Variants in AGMO observed in about 807,000 individuals in gnomAD.
The protein encoded by AGMO is glyceryl-ether monooxygenase.
A neutral mutation model predicts 60.2 loss-of-function variants in AGMO; 75 were observed. The observed-to-expected ratio is 1.25, with a 90% confidence interval of 1.03 to 1.51. The LOEUF (loss-of-function observed/expected upper bound fraction) is 1.51, where lower values mean the gene tolerates loss of function less well. Among genes scored for constraint, AGMO ranks in the 40% most tolerant of loss-of-function variants. AGMO has a pLI of 0.00. For missense variants in AGMO, 763 were observed against 525.5 expected (o/e 1.45, Z -4.42); for synonymous variants, 261 against 177.1 (o/e 1.47, Z -3.76).
chr7:15,503,858 G>A (rs945785459), intron 3 of AGMO, among the ~76,000 whole-genome samples: 32 of 152,092 alleles, frequency 2.1e-4, no homozygotes, highest in South Asian at 1.9e-3. Context: ...GAGAAAAAGT[G>A]AATCCCATTT....
At chr7:15,266,558 G>A (rs1783438125) in intron 12 of AGMO, among the ~76,000 whole-genome samples, 1 of 151,332 alleles carries the variant, frequency 6.6e-6, no homozygotes. Flanking sequence ...ATTTCCATTT[G>A]TCTTCTGCTC....
intron 3 of AGMO, among the ~76,000 whole-genome samples, chr7:15,483,306 C>A (rs1393230421): frequency 6.6e-6 from 1 of 152,060 alleles, no homozygotes; most frequent in African/African-American, 2.4e-5. Context: ...CATTAAATTG[C>A]CTGTAATCCC....
At chr7:15,304,842 CATT>C (rs1780563652) in intron 12 of AGMO, among the ~76,000 whole-genome samples, 1 of 151,910 alleles carries the variant, frequency 6.6e-6, no homozygotes, top group South Asian at 2.1e-4. Flanking sequence ...AAATCTGAGG[CATT>C]ATTATTATTC....
the AGMO span, among the ~76,000 whole-genome samples, chr7:15,144,514 T>C: frequency 1.1e-3 from 168 of 152,342 alleles, no homozygotes; most frequent in African/African-American, 3.7e-3. Context: ...AAGAGGATTT[T>C]TCAGAAATCC....
chr7:15,139,313 G>C, the AGMO span, among the ~76,000 whole-genome samples: 14 of 152,162 alleles, frequency 9.2e-5, no homozygotes, highest in African/African-American at 3.1e-4. Context: ...TGCTTATATA[G>C]TATTCTCCTG....
chr7:15,134,803 G>A, the AGMO span, among the ~76,000 whole-genome samples: 2 of 127,058 alleles, frequency 1.6e-5, no homozygotes, highest in East Asian at 2.1e-4. Context: ...TAGTGAAATT[G>A]GGGAACATAA....
chr7:15,259,983 C>G (rs111817119), intron 12 of AGMO, among the ~76,000 whole-genome samples: 179 of 126,882 alleles, frequency 1.4e-3, no homozygotes, highest in African/African-American at 4.5e-3. Context: ...AACCTCCTTA[C>G]AGTATAAATC....
intron 12 of AGMO, among the ~76,000 whole-genome samples, chr7:15,208,459 A>T (rs1781494713): frequency 6.6e-6 from 1 of 152,224 alleles, no homozygotes; most frequent in Admixed American, 6.5e-5. Flanking sequence ...ATTTTTTAAA[A>T]ATCAGGGCTA....
chr7:15,338,454 G>T (rs1051946821), intron 12 of AGMO, among the ~76,000 whole-genome samples: 13 of 104,922 alleles, frequency 1.2e-4, no homozygotes, highest in African/African-American at 5.5e-4. Context: ...ATTTGGCATT[G>T]TGATGCTCTG....
At chr7:15,279,279 G>C (rs1405816893) in intron 12 of AGMO, among the ~76,000 whole-genome samples, 2 of 152,148 alleles carry the variant, frequency 1.3e-5, no homozygotes, top group Non-Finnish European at 2.9e-5. Context: ...TCCCAGCTCA[G>C]CAGGCTGCCT....
chr7:15,456,606 G>C (rs1299101931), intron 3 of AGMO, among the ~76,000 whole-genome samples: 1 of 152,120 alleles, frequency 6.6e-6, no homozygotes, highest in African/African-American at 2.4e-5. Context: ...TCCTGAGTAA[G>C]GAAATAGTTC....
At chr7:15,250,583 ACT>A (rs1491337251) in intron 12 of AGMO, among the ~76,000 whole-genome samples, 2 of 135,612 alleles carry the variant, frequency 1.5e-5, no homozygotes, top group African/African-American at 2.8e-5. Flanking sequence ...ACACACACAC[ACT>A]CTGGTTTATA....
intron 12 of AGMO, among the ~76,000 whole-genome samples, chr7:15,314,487 T>TTATA (rs1780857166): frequency 1.3e-5 from 2 of 152,118 alleles, no homozygotes; most frequent in South Asian, 4.1e-4. Flanking sequence ...AGGGAAACAG[T>TTATA]TATATTGTAC....
At chr7:15,494,180 T>A (rs1783158348) in intron 3 of AGMO, among the ~76,000 whole-genome samples, 1 of 152,164 alleles carries the variant, frequency 6.6e-6, no homozygotes, top group Non-Finnish European at 1.5e-5. Context: ...ATAACTTTCT[T>A]AAGACAACAA....
At chr7:15,410,803 T>C (rs1177071526) in intron 5 of AGMO, among the ~76,000 whole-genome samples, 1 of 152,026 alleles carries the variant, frequency 6.6e-6, no homozygotes, top group Non-Finnish European at 1.5e-5. Context: ...TTGTATTTGT[T>C]ACTATGACTG....
the AGMO span, among the ~76,000 whole-genome samples, chr7:15,133,275 G>A: frequency 4.6e-5 from 7 of 152,276 alleles, no homozygotes; most frequent in East Asian, 1.2e-3. Flanking sequence ...GACAGTAACT[G>A]TTCCTTTTGT....
the AGMO span, among the ~76,000 whole-genome samples, chr7:15,129,415 A>T: frequency 6.6e-6 from 1 of 152,172 alleles, no homozygotes; most frequent in Non-Finnish European, 1.5e-5. Context: ...ATATAGGAAG[A>T]TAATTCTATG....
intron 2 of AGMO, among the ~76,000 whole-genome samples, chr7:15,555,587 C>G (rs1562571471): frequency 6.6e-6 from 1 of 151,880 alleles, no homozygotes; most frequent in Admixed American, 6.6e-5. Flanking sequence ...ATTCATAAAA[C>G]AATCACTTAC....
intron 12 of AGMO, among the ~76,000 whole-genome samples, chr7:15,231,061 C>G (rs2128499452): frequency 6.6e-6 from 1 of 152,284 alleles, no homozygotes; most frequent in South Asian, 2.1e-4. Flanking sequence ...AGTCCTAGAT[C>G]ATGATAGTGA....
Sources: allele counts gnomAD v4.1 joint callset (sites outside exome capture counted in the v4.1 genomes callset), GRCh38; gene constraint gnomAD v4.1.1; transcripts MANE v1.5; gene names NCBI Gene and HGNC (gene_info 2026-07-23, HGNC 2026-07-21).